Variants in CCDC33 observed in about 807,000 individuals in gnomAD.
CCDC33 encodes coiled-coil domain-containing protein 33.
A neutral mutation model predicts 91.9 loss-of-function variants in CCDC33; 94 were observed. That is an observed-to-expected ratio of 1.02 (90% confidence interval 0.87 to 1.21). The LOEUF is 1.21. Among genes scored for constraint, CCDC33 ranks in the 50% most tolerant of loss-of-function variants. CCDC33 has a pLI of 0.00. For missense variants in CCDC33, 940 were observed against 935.5 expected, an observed-to-expected ratio of 1.00 and a Z score of -0.06; for synonymous variants, 396 against 374.5, an observed-to-expected ratio of 1.06 and a Z score of -0.66.
intron 1 of CCDC33, 139 bp downstream of exon 1, chr15:74,236,879 G>A: frequency 2.5e-6 from 2 of 790,022 alleles, no homozygotes; most frequent in Middle Eastern, 2.6e-4. Context: ...TGTGAAATGG[G>A]GAGTGAGGTG....
chr15:74,319,152 G>A (rs553605436), intron 11 of CCDC33, among the ~76,000 whole-genome samples: 1 of 152,286 alleles, frequency 6.6e-6, no homozygotes, highest in East Asian at 1.9e-4. Context: ...TAACCCTTCT[G>A]GTTTGGGCCC....
At chr15:74,336,194 C>G, downstream of CCDC33, 1 of 1,449,862 alleles carries the variant, frequency 6.9e-7, no homozygotes, top group Non-Finnish European at 9.1e-7. Context: ...CTTCCTCCTC[C>G]TAGACCTCAC....
intron 2 of CCDC33, among the ~76,000 whole-genome samples, chr15:74,225,953 G>A (rs1049476221): frequency 6.6e-6 from 1 of 152,138 alleles, no homozygotes; most frequent in Non-Finnish European, 1.5e-5. Flanking sequence ...ACCAGGCCCC[G>A]TCCCAGGGAA....
intron 4 of CCDC33, among the ~76,000 whole-genome samples, chr15:74,267,627 C>A (rs183794131): frequency 6.6e-6 from 1 of 152,094 alleles, no homozygotes; most frequent in African/African-American, 2.4e-5. Flanking sequence ...GCATTCCAGA[C>A]CCTGAAAGTG....
rs201777513 is a variant in CCDC33 at position 74,330,352 on chromosome 15, C to T, written c.1454C>T (p.Thr485Met). The T allele has an allele frequency of 2.1e-4, 341 of 1,590,856 alleles. 7 individuals carry two copies. The South Asian group carries it at 3.5e-3, about 16-fold the overall frequency. ...GQGKASEAQN[T>M]VSMKQKLLLS... is the part of the protein sequence containing the mutation. ...GGCAAAGCCAGTGAGGCCCAGAACA[C>T]GGGTGAGGATGTGCAGGCCACCAAG... Residue 485 changes from threonine to methionine, a missense_variant and splice_region_variant, in exon 12 of 19, where the codon ACG (threonine) becomes ATG (methionine). Transcript: ENST00000398814.
At chr15:74,286,230 A>G (rs369106554) in intron 10 of CCDC33, among the ~76,000 whole-genome samples, 12 of 152,326 alleles carry the variant, frequency 7.9e-5, no homozygotes, top group Middle Eastern at 3.4e-3. Context: ...TGGACAACAG[A>G]GCAAGACTGT....
At chr15:74,324,905 TC>T (rs2060279073) in intron 11 of CCDC33, among the ~76,000 whole-genome samples, 1 of 134,098 alleles carries the variant, frequency 7.5e-6, no homozygotes. Flanking sequence ...TCCTTCCCAC[TC>T]CAGGCATGCA....
At chr15:74,320,613 G>A (rs1014940734) in intron 11 of CCDC33, among the ~76,000 whole-genome samples, 1 of 152,140 alleles carries the variant, frequency 6.6e-6, no homozygotes, top group Non-Finnish European at 1.5e-5. Context: ...GGGAAGCTGG[G>A]GCCACCCTGG....
At chr15:74,233,097 C>T (rs1469598868), upstream of CCDC33, among the ~76,000 whole-genome samples, 1 of 152,224 alleles carries the variant, frequency 6.6e-6, no homozygotes, top group Non-Finnish European at 1.5e-5. Flanking sequence ...TGCTCAAGGC[C>T]CTTCATCCCG....
In CCDC33 at chr15:74,244,187, G is replaced by C; in HGVS notation, c.185+39G>C. ...TGAGAGTGGGGGCAGGGGATGGGTT[G>C]GGCTGTGAGCAGAAACCAGGGGACA... On this transcript the variant is annotated intron_variant, in intron 2 of 18. Transcript: ENST00000398814. This position sits in a 1 kb window ranked among gnomAD's most constrained non-coding sequence, Gnocchi z 4.2. 6.3e-7 allele frequency: 1 copy of C among 1,583,514 alleles called. No homozygotes were observed. Among genetic ancestry groups the C allele is most frequent in the Non-Finnish European group, 8.6e-7 (1 of 1,162,390 alleles).
In CCDC33 at chr15:74,334,700, C is replaced by A. The variant is rs140685526; in HGVS notation, c.2026-275C>A. On this transcript the variant is annotated intron_variant, in intron 17 of 18. Coordinates refer to ENST00000398814, the MANE Select transcript of CCDC33 (RefSeq NM_025055.5). ...GGTTCATTGTGTGACCAGGGTCAGG[C>A]TCTGTCTATGACCAGAATCAGGGAT... 2.5e-3 allele frequency among the ~76,000 whole-genome samples: 366 copies of A among 146,952 alleles called. 10 individuals are homozygous for A. The South Asian group carries it at 0.059, about 24-fold the overall frequency.
intron 11 of CCDC33, among the ~76,000 whole-genome samples, chr15:74,314,928 G>A (rs979132647): frequency 6.6e-6 from 1 of 152,218 alleles, no homozygotes; most frequent in Non-Finnish European, 1.5e-5. Context: ...GCAGGGCCCA[G>A]AGAAGTCTGA....
chr15:74,244,333 T>G lies in CCDC33; in HGVS notation c.185+185T>G, dbSNP rs1023325798. Among the ~76,000 whole-genome samples the G allele has an allele frequency of 6.6e-6, 1 of 152,120 alleles. No homozygotes were observed. Among genetic ancestry groups the G allele is most frequent in the African/African-American group, 2.4e-5 (1 of 41,420 alleles). ...TGCATGGGAAGCTGCTCACCAGGGC[T>G]GGGGAAGACAGGGTGCCAACGGATC... On this transcript the variant is annotated intron_variant, in intron 2 of 18. Transcript: ENST00000398814. The surrounding 1 kb of genome is among the most constrained non-coding windows in gnomAD (Gnocchi z 4.2).
chr15:74,215,729 G>A (rs2142131934), upstream of CCDC33, among the ~76,000 whole-genome samples: 4 of 152,220 alleles, frequency 2.6e-5, 1 homozygote, highest in South Asian at 8.3e-4. Flanking sequence ...GGTTAGCCGG[G>A]CGTGGTGGCG....
intron 18 of CCDC33, 70 bp from the exon 19 acceptor site, chr15:74,335,855 C>T (rs1450095382): frequency 1.7e-6 from 2 of 1,197,424 alleles, no homozygotes; most frequent in Non-Finnish European, 2.4e-6. Flanking sequence ...GTTTGTCAGG[C>T]AATATGCCCT....
At position 74,271,737 on chromosome 15, in the gene CCDC33, A is replaced by T; in HGVS notation, c.581A>T (p.Asn194Ile). The T allele has an allele frequency of 1.2e-6, 2 of 1,613,800 alleles. No individual in the cohort carries two copies. The highest frequency in any genetic ancestry group is 1.7e-6 in the Non-Finnish European group (2 of 1,179,738). Residue 194 changes from asparagine (N) to isoleucine (I), a missense_variant, in exon 6 of 19, where the codon AAC becomes ATC. Transcript: ENST00000398814. ...FLRGVNEPLA[N>I]NPNPIVVIAR... ...CGGGGAGTCAACGAGCCCCTGGCCAACAACCCCAACCCCATAGTGGTGATT... is the reference window on the plus strand; with the variant it reads ...CGGGGAGTCAACGAGCCCCTGGCCATCAACCCCAACCCCATAGTGGTGATT...
intron 7 of CCDC33, among the ~76,000 whole-genome samples, chr15:74,276,854 T>C (rs1376003482): frequency 6.6e-6 from 1 of 152,222 alleles, no homozygotes; most frequent in African/African-American, 2.4e-5. Flanking sequence ...CTTCAGGTCC[T>C]CCCTGAGGAA....
chr15:74,326,112 G>T (rs920428762), intron 11 of CCDC33, among the ~76,000 whole-genome samples: 8 of 152,136 alleles, frequency 5.3e-5, no homozygotes, highest in Admixed American at 2.6e-4. Context: ...ATCTCTTGAG[G>T]CTAGGAGTTC....
At chr15:74,234,384 T>C (rs1196788987), upstream of CCDC33, among the ~76,000 whole-genome samples, 1 of 152,206 alleles carries the variant, frequency 6.6e-6, no homozygotes, top group Non-Finnish European at 1.5e-5. Context: ...GCAAGCCCAC[T>C]TCTCTGGGCT....
Sources: allele counts gnomAD v4.1 joint callset (sites outside exome capture counted in the v4.1 genomes callset), GRCh38; gene constraint gnomAD v4.1.1; non-coding constraint Gnocchi (gnomAD v3.1); transcripts MANE v1.5; gene names NCBI Gene and HGNC (gene_info 2026-07-23, HGNC 2026-07-21).